PRKCH: variants seen among roughly 807,000 people sequenced by gnomAD.
PRKCH encodes protein kinase C eta type.
Under a neutral mutation model 82.5 loss-of-function variants are expected in PRKCH, and 28 were observed. That is an observed-to-expected ratio of 0.34 (90% confidence interval 0.25 to 0.47). The LOEUF is 0.47. PRKCH is among the 20% of genes least tolerant of loss of function. The pLI is 1.00. For missense variants in PRKCH, 705 were observed against 881.8 expected (o/e 0.80, Z 2.54); for synonymous variants, 322 against 327.4 (o/e 0.98, Z 0.18).
chr14:61,546,637 T>G (rs1473830204), intron 12 of PRKCH, among the ~76,000 whole-genome samples: 1 of 152,218 alleles, frequency 6.6e-6, no homozygotes, highest in South Asian at 2.1e-4. Flanking sequence ...AACAAGATTT[T>G]CTCTGTAAAT....
intron 9 of PRKCH, among the ~76,000 whole-genome samples, chr14:61,464,640 T>C (rs572394849): frequency 6.6e-6 from 1 of 152,336 alleles, no homozygotes; most frequent in Non-Finnish European, 1.5e-5. Flanking sequence ...ATGTGGTGTT[T>C]GATTTTCTGT....
At chr14:61,518,285 T>C (rs1387560636) in intron 10 of PRKCH, among the ~76,000 whole-genome samples, 2 of 152,168 alleles carry the variant, frequency 1.3e-5, no homozygotes, top group African/African-American at 4.8e-5. Flanking sequence ...GTATCATGTC[T>C]GAGCATTTTG....
Position 61,541,337 on chromosome 14 carries a change from C to T in PRKCH, c.1762-6406C>T, listed in dbSNP as rs114058791. Among the ~76,000 whole-genome samples, 548 of 152,348 alleles carry T rather than the reference C, an allele frequency of 3.6e-3. 7 individuals are homozygous for T. The highest frequency in any genetic ancestry group is 0.012 in the African/African-American group (516 of 41,572). ...TGGCCATTAGGGTCTATGGTCATGG[C>T]GAGGTTGGGCGTCATGGCTGTGAAC... On this transcript the variant is annotated intron_variant, in intron 12 of 13. Transcript: ENST00000332981.
At chr14:61,362,161 A>G (rs1039694363) in intron 1 of PRKCH, among the ~76,000 whole-genome samples, 1 of 152,040 alleles carries the variant, frequency 6.6e-6, no homozygotes, top group African/African-American at 2.4e-5. Context: ...TCATAGCGAT[A>G]TTTCATCTCT....
At chr14:61,226,031 T>C (rs2044693999) in intron 1 of PRKCH, among the ~76,000 whole-genome samples, 1 of 152,194 alleles carries the variant, frequency 6.6e-6, no homozygotes, top group Non-Finnish European at 1.5e-5. Flanking sequence ...TGATAAGACT[T>C]GTAGAACTGA....
At chr14:61,449,452 C>T (rs11850936) in intron 5 of PRKCH, among the ~76,000 whole-genome samples, 200 bp downstream of exon 5, 15,690 of 152,032 alleles carry the variant, frequency 0.1, 1,727 homozygotes, top group African/African-American at 0.28. Context: ...TGTCTCTCTC[C>T]CTTTTTTTAA....
At chr14:61,475,140 A>G (rs1885674294) in intron 9 of PRKCH, among the ~76,000 whole-genome samples, 1 of 152,246 alleles carries the variant, frequency 6.6e-6, no homozygotes. Context: ...AATGATCTAA[A>G]TAAATGAAAT....
intron 9 of PRKCH, among the ~76,000 whole-genome samples, chr14:61,460,674 A>G (rs1382954271): frequency 6.6e-6 from 1 of 152,194 alleles, no homozygotes; most frequent in Non-Finnish European, 1.5e-5. Context: ...GTCTGACGGC[A>G]GAGTCCAGGC....
At position 61,280,875 on chromosome 14, in the gene PRKCH, G is replaced by A. The variant is rs1156408678; in HGVS notation, c.-19+93207G>A. The A allele has an allele frequency of 1.9e-6, 3 of 1,564,968 alleles. No individual in the cohort carries two copies. The East Asian group carries it at 6.9e-5, about 36-fold the overall frequency. On this transcript the variant is annotated intron_variant, in intron 1 of 3. Coordinates refer to the PRKCH transcript ENST00000555185. The surrounding 1 kb of genome is among the most constrained non-coding windows in gnomAD (Gnocchi z 5.0). ...GCGAGAAGTACCAGGCGCACGAGCA[G>A]GGGGGCGGCAGCGCCCGGCCCTGGC...
chr14:61,205,779 C>T (rs564174547), intron 1 of PRKCH, among the ~76,000 whole-genome samples: 17 of 152,304 alleles, frequency 1.1e-4, no homozygotes, highest in Admixed American at 2.0e-4. Context: ...GGTGAATATG[C>T]AACATTCCTT....
intron 1 of PRKCH, among the ~76,000 whole-genome samples, chr14:61,385,202 C>T (rs2046569199): frequency 6.6e-6 from 1 of 150,728 alleles, no homozygotes; most frequent in Non-Finnish European, 1.5e-5. Flanking sequence ...TAGACTCTGA[C>T]CTCAGCTCTG....
intron 2 of PRKCH, among the ~76,000 whole-genome samples, chr14:61,436,208 TGGATGC>T (rs1297749050): frequency 6.6e-6 from 1 of 152,162 alleles, no homozygotes; most frequent in Non-Finnish European, 1.5e-5. Context: ...TCAGCTTGCG[TGGATGC>T]TATGAGCCGT....
chr14:61,247,672 G>T (rs531512901), intron 1 of PRKCH, among the ~76,000 whole-genome samples: 1 of 124,592 alleles, frequency 8.0e-6, no homozygotes, highest in African/African-American at 3.0e-5. Context: ...GGAGGCGGAG[G>T]TTACAGTGAC....
intron 10 of PRKCH, among the ~76,000 whole-genome samples, chr14:61,498,649 C>T (rs191068477): frequency 6.6e-6 from 1 of 152,218 alleles, no homozygotes; most frequent in East Asian, 1.9e-4. Context: ...AAGGTGGCTG[C>T]CATCTTGCTG....
intron 1 of PRKCH, among the ~76,000 whole-genome samples, chr14:61,210,533 A>G (rs767644196): frequency 2.6e-4 from 40 of 152,272 alleles, no homozygotes; most frequent in Middle Eastern, 3.4e-3. Context: ...TTGATTCAGT[A>G]AGTCTGAACT....
chr14:61,325,178 G>T (rs2045677378), intron 1 of PRKCH, among the ~76,000 whole-genome samples: 2 of 152,176 alleles, frequency 1.3e-5, no homozygotes, highest in African/African-American at 4.8e-5. Flanking sequence ...TTTTGAAAAA[G>T]AACAAGTTGG....
At chr14:61,485,421 C>T (rs912251192) in intron 9 of PRKCH, 81 bp from the exon 10 acceptor site, 18 of 1,503,462 alleles carry the variant, frequency 1.2e-5, no homozygotes, top group Non-Finnish European at 1.4e-5. Flanking sequence ...CTCTATGCCA[C>T]AGCCTTAGGC....
chr14:61,405,031 C>T (rs909695647), intron 2 of PRKCH, among the ~76,000 whole-genome samples: 2 of 152,214 alleles, frequency 1.3e-5, no homozygotes, highest in African/African-American at 4.8e-5. Context: ...CACGTCTTTT[C>T]CCCTTTGGTT....
At chr14:61,310,404 A>G (rs1011640404) in intron 1 of PRKCH, among the ~76,000 whole-genome samples, 18 of 152,362 alleles carry the variant, frequency 1.2e-4, no homozygotes, top group Admixed American at 1.0e-3. Context: ...AAGTGGCTAC[A>G]AGCCCCATGC....
Sources: allele counts gnomAD v4.1 joint callset (sites outside exome capture counted in the v4.1 genomes callset), GRCh38; gene constraint gnomAD v4.1.1; non-coding constraint Gnocchi (gnomAD v3.1); transcripts MANE v1.5; gene names NCBI Gene and HGNC (gene_info 2026-07-23, HGNC 2026-07-21).